The following SHISA9 variants were observed in gnomAD, a reference collection of about 807,000 sequenced individuals.
SHISA9 encodes the protein shisa family member 9, also known as protein shisa-9.
In SHISA9, 13 loss-of-function variants were observed where a neutral mutation model predicts 38.0. That is an observed-to-expected ratio of 0.34 (90% CI 0.22 to 0.54). The LOEUF (loss-of-function observed/expected upper bound fraction) is 0.54. SHISA9 is among the 20% of genes least tolerant of loss of function. SHISA9 has a pLI of 0.91. For missense variants in SHISA9, 538 were observed against 575.8 expected, an observed-to-expected ratio of 0.93 and a Z score of 0.67; for synonymous variants, 275 against 242.0, an observed-to-expected ratio of 1.14 and a Z score of -1.27.
At chr16:13,376,100 AAG>A in the SHISA9 span, among the ~76,000 whole-genome samples, 22 of 152,314 alleles carry the variant, frequency 1.4e-4, no homozygotes, top group Non-Finnish European at 5.9e-5. Context: ...CCCTAGAAAA[AAG>A]AGAGAAAATG....
chr16:13,001,762 T>A (rs2072528679), intron 2 of SHISA9, among the ~76,000 whole-genome samples: 1 of 152,216 alleles, frequency 6.6e-6, no homozygotes, highest in Non-Finnish European at 1.5e-5. Context: ...TGAACTCTAG[T>A]TAATGAAATG....
At chr16:12,965,881 G>A (rs1044719034) in intron 2 of SHISA9, among the ~76,000 whole-genome samples, 2 of 152,300 alleles carry the variant, frequency 1.3e-5, no homozygotes, top group Admixed American at 1.3e-4. Flanking sequence ...GTTTTTCATT[G>A]AAGAAATAGC....
chr16:13,261,996 A>C, the SHISA9 span, among the ~76,000 whole-genome samples: 1 of 152,340 alleles, frequency 6.6e-6, no homozygotes, highest in African/African-American at 2.4e-5. Context: ...TCATATCAAT[A>C]ATATGACAAC....
chr16:13,380,922 T>C, the SHISA9 span, among the ~76,000 whole-genome samples: 2 of 151,974 alleles, frequency 1.3e-5, no homozygotes, highest in African/African-American at 4.8e-5. Flanking sequence ...ATGTAGTGTT[T>C]GGTTTTCTGA....
chr16:13,030,424 C>G (rs901359523), intron 2 of SHISA9, among the ~76,000 whole-genome samples: 1 of 152,162 alleles, frequency 6.6e-6, no homozygotes, highest in African/African-American at 2.4e-5. Context: ...AGGGGTTTCT[C>G]ATAGGATTGA....
chr16:13,469,006 G>T, the SHISA9 span, among the ~76,000 whole-genome samples: 2 of 151,918 alleles, frequency 1.3e-5, no homozygotes, highest in Non-Finnish European at 2.9e-5. Context: ...ACTTTGGGAG[G>T]CTGAGGCAGG....
At chr16:13,053,645 C>G (rs981826075) in intron 2 of SHISA9, among the ~76,000 whole-genome samples, 1 of 151,718 alleles carries the variant, frequency 6.6e-6, no homozygotes, top group Non-Finnish European at 1.5e-5. Context: ...GTTTTCAGAC[C>G]TCCCTGATCT....
the SHISA9 span, among the ~76,000 whole-genome samples, chr16:13,418,511 G>A: frequency 6.6e-6 from 1 of 152,240 alleles, no homozygotes; most frequent in South Asian, 2.1e-4. Context: ...TGGAACACTT[G>A]GGGTCTGACT....
At chr16:13,144,009 G>A (rs2050425282) in intron 2 of SHISA9, among the ~76,000 whole-genome samples, 1 of 152,078 alleles carries the variant, frequency 6.6e-6, no homozygotes. Flanking sequence ...TGGTTAAATA[G>A]GGTACCATAT....
At chr16:13,298,202 C>T in the SHISA9 span, among the ~76,000 whole-genome samples, 1 of 152,156 alleles carries the variant, frequency 6.6e-6, no homozygotes, top group Non-Finnish European at 1.5e-5. Flanking sequence ...ACTCATCAAC[C>T]TTCCTGGTCT....
At chr16:13,520,816 G>C in the SHISA9 span, among the ~76,000 whole-genome samples, 5 of 151,970 alleles carry the variant, frequency 3.3e-5, no homozygotes, top group Non-Finnish European at 7.4e-5. Context: ...CAGCGCAAGA[G>C]ATTAGCTGTT....
the SHISA9 span, among the ~76,000 whole-genome samples, chr16:13,364,630 G>T: frequency 6.6e-6 from 1 of 152,160 alleles, no homozygotes; most frequent in Non-Finnish European, 1.5e-5. Context: ...ATGATAGGAG[G>T]CTTCTGCAAG....
intron 2 of SHISA9, among the ~76,000 whole-genome samples, chr16:13,003,715 G>A (rs533531392): frequency 3.9e-5 from 6 of 152,152 alleles, no homozygotes; most frequent in African/African-American, 7.2e-5. Context: ...AAGATTAGCC[G>A]GGCATGGTGG....
intron 2 of SHISA9, among the ~76,000 whole-genome samples, chr16:13,144,512 A>G (rs368321214): frequency 5.9e-5 from 9 of 152,134 alleles, no homozygotes; most frequent in African/African-American, 2.2e-4. Flanking sequence ...TCAGTGGGTA[A>G]TTTGGCTTCT....
At chr16:13,228,875 C>T (rs1210878926) in intron 4 of SHISA9, among the ~76,000 whole-genome samples, 2 of 152,066 alleles carry the variant, frequency 1.3e-5, no homozygotes. Context: ...CAAATATTTA[C>T]TGAGGCCAGG....
chr16:13,172,962 G>T (rs1268286499), intron 2 of SHISA9, among the ~76,000 whole-genome samples: 1 of 151,828 alleles, frequency 6.6e-6, no homozygotes, highest in Admixed American at 6.6e-5. Context: ...ATTCTTTTTT[G>T]TGATTGCCGT....
chr16:13,247,609 G>A, the SHISA9 span, among the ~76,000 whole-genome samples: 2 of 152,152 alleles, frequency 1.3e-5, no homozygotes, highest in Admixed American at 6.5e-5. Flanking sequence ...AAATACCTTT[G>A]TGGAAGAAAA....
chr16:13,560,810 C>G, the SHISA9 span, among the ~76,000 whole-genome samples: 1 of 149,836 alleles, frequency 6.7e-6, no homozygotes, highest in African/African-American at 2.4e-5. Context: ...ACGGCCATGT[C>G]AGTCCCAGAA....
At chr16:13,084,246 A>G (rs1247745615) in intron 2 of SHISA9, among the ~76,000 whole-genome samples, 1 of 152,216 alleles carries the variant, frequency 6.6e-6, no homozygotes, top group East Asian at 1.9e-4. Flanking sequence ...GCATAATCAT[A>G]TCCACCTTTG....
Sources: gnomAD v4.1 joint callset for allele counts (sites outside exome capture counted in the v4.1 genomes callset) on GRCh38, gnomAD v4.1.1 for gene constraint, MANE v1.5 for transcripts, NCBI Gene and HGNC (gene_info 2026-07-23, HGNC 2026-07-21) for gene names.